BRAP: variants seen among roughly 807,000 people sequenced by gnomAD.
BRAP encodes BRCA1-associated protein.
Under a neutral mutation model 73.4 loss-of-function variants are expected in BRAP, and 42 were observed. That is an observed-to-expected ratio of 0.57 (90% CI 0.45 to 0.74). BRAP has a LOEUF of 0.74. Among genes scored for constraint, BRAP ranks in the 30% least tolerant of loss-of-function variants. The pLI is 0.00. For synonymous variants in BRAP, 255 were observed against 267.4 expected (o/e 0.95, Z 0.45); for missense variants, 593 against 751.4 (o/e 0.79, Z 2.46).
intron 11 of BRAP, among the ~76,000 whole-genome samples, chr12:111,648,321 A>C (rs981740761): frequency 1.4e-5 from 2 of 138,868 alleles, no homozygotes; most frequent in African/African-American, 5.5e-5. Flanking sequence ...CTCTCTCTAA[A>C]AATAAAGATG....
chr12:111,682,497 CAAAAAAAAAAA>C (rs11366915), intron 2 of BRAP, among the ~76,000 whole-genome samples: 1 of 77,906 alleles, frequency 1.3e-5, no homozygotes, highest in Non-Finnish European at 2.4e-5. Context: ...GAGACTGTCT[CAAAAAAAAAAA>C]AAAAAAAAAA....
intron 5 of BRAP, chr12:111,670,076 A>G (rs1887109355): frequency 4.8e-6 from 3 of 628,606 alleles, no homozygotes; most frequent in Non-Finnish European, 9.2e-6. Flanking sequence ...AAGTGCTTGG[A>G]GCAAGAGTTG....
Position 111,650,058 on chromosome 12 carries a change from G to T in BRAP, c.1312-16C>A, listed in dbSNP as rs1179213692. ...TGTTGTTAATCTGAAAGAGCAAAGAGAAATCAGATTCATTTCACAAAGGTA... is the reference window on the plus strand; with the variant it reads ...TGTTGTTAATCTGAAAGAGCAAAGATAAATCAGATTCATTTCACAAAGGTA... On this transcript the variant is annotated splice_polypyrimidine_tract_variant and intron_variant, in intron 10 of 11. Coordinates refer to ENST00000419234, the MANE Select transcript of BRAP (RefSeq NM_006768.5). 1.1e-5 allele frequency: 17 copies of T among 1,518,070 alleles called. No individual in the cohort carries two copies. The South Asian group carries it at 1.8e-4, about 16-fold the overall frequency. The allele number at this position is 1,518,070 out of a possible 1,614,324, so 94.0% of individuals were successfully genotyped here. A position where few individuals can be genotyped will look rare whatever the true frequency, so the allele number is the denominator to read the frequency against.
chr12:111,685,684 G>A (rs754439116), intron 1 of BRAP, 27 bp downstream of exon 1: 1 of 1,594,086 alleles, frequency 6.3e-7, no homozygotes, highest in Non-Finnish European at 8.5e-7. Context: ...CCGGCTACAG[G>A]GAATGCGGCG....
At chr12:111,681,916 C>G in intron 2 of BRAP, 81 bp from the exon 3 acceptor site, 1 of 1,324,694 alleles carries the variant, frequency 7.5e-7, no homozygotes, top group South Asian at 1.5e-5. Flanking sequence ...AATTTCAAGT[C>G]AGAGGAATAA....
intron 10 of BRAP, among the ~76,000 whole-genome samples, chr12:111,652,264 C>T (rs1238451309): frequency 1.3e-5 from 2 of 152,184 alleles, no homozygotes; most frequent in Non-Finnish European, 2.9e-5. Flanking sequence ...CACTCTGTCG[C>T]CCAGGCTGGA....
chr12:111,648,788 A>C lies in BRAP; in HGVS notation c.1415+1151T>G, dbSNP rs1886213139. On this transcript the variant is annotated intron_variant, in intron 11 of 11. Transcript: ENST00000419234. Reference sequence around the variant, plus strand: ...AAAAATACAAAAAAATTAGCTGGGCATGGTGGCAGGCACCTGTAGTCCCAG... The same window carrying C: ...AAAAATACAAAAAAATTAGCTGGGCCTGGTGGCAGGCACCTGTAGTCCCAG... Among the ~76,000 whole-genome samples, 3 of 151,042 alleles carry C rather than the reference A, an allele frequency of 2.0e-5. No homozygotes were observed. In the South Asian group the frequency reaches 6.3e-4, roughly 32 times the overall value.
intron 10 of BRAP, among the ~76,000 whole-genome samples, chr12:111,653,943 G>A (rs1016444489): frequency 1.3e-5 from 2 of 152,174 alleles, no homozygotes; most frequent in Non-Finnish European, 2.9e-5. Context: ...TCAGTGTTTC[G>A]TTTTCCTGCC....
At chr12:111,674,245 C>G (rs1431167507) in intron 4 of BRAP, among the ~76,000 whole-genome samples, 1 of 151,980 alleles carries the variant, frequency 6.6e-6, no homozygotes, top group East Asian at 1.9e-4. Flanking sequence ...ATGCTTCCCC[C>G]CCACCTTTTT....
At chr12:111,660,793 T>C in intron 6 of BRAP, 118 bp from the exon 7 acceptor site, 2 of 642,622 alleles carry the variant, frequency 3.1e-6, no homozygotes, top group Non-Finnish European at 5.1e-6. Context: ...ATTTTTATCA[T>C]AACTAAGGAT....
At chr12:111,674,268 TG>T (rs1344387002) in intron 4 of BRAP, among the ~76,000 whole-genome samples, 1 of 151,800 alleles carries the variant, frequency 6.6e-6, no homozygotes, top group Non-Finnish European at 1.5e-5. Context: ...TTTGAGATGG[TG>T]TCTCGCTTTG....
At position 111,665,903 on chromosome 12, in the gene BRAP, C is replaced by T. The variant is rs1886921689; in HGVS notation, c.748-116G>A. 9 of 1,380,732 alleles carry T rather than the reference C, an allele frequency of 6.5e-6. No homozygotes were observed. Among genetic ancestry groups the T allele is most frequent in the African/African-American group, 1.4e-5 (1 of 70,194 alleles). The allele number at this position is 1,380,732 out of a possible 1,614,324, so 85.5% of individuals were successfully genotyped here. On this transcript the variant is annotated intron_variant, in intron 5 of 11. Transcript: ENST00000419234. The surrounding 1 kb of genome is among the most constrained non-coding windows in gnomAD (Gnocchi z 4.3). ...TGTCACCCACGCTGGAGCCCAGTGG[C>T]GCAATCATGGCTCATTACAGCCTTG... is the stretch of plus-strand genomic sequence containing the variant.
rs112724065 is a variant in BRAP, at chr12:111,651,225, T to TTAATAATAATAA, written c.1312-1195_1312-1184dup. Among the ~76,000 whole-genome samples, 553 of 147,066 alleles carry TTAATAATAATAA rather than the reference T, an allele frequency of 3.8e-3. 4 individuals carry two copies. The East Asian group carries it at 0.046, about 12-fold the overall frequency. The stretch of plus-strand genomic sequence containing the variant: ...TAGCAAGTCTCTAATAGCACTAGCT[T>TTAATAATAATAA]TAATAATAATAATAATAATAATAAT... On this transcript the variant is annotated intron_variant, in intron 10 of 11. Coordinates refer to ENST00000419234, the MANE Select transcript of BRAP (RefSeq NM_006768.5).
At chr12:111,655,784 C>T (rs1036317481) in intron 9 of BRAP, 129 bp from the exon 10 acceptor site, 1 of 708,588 alleles carries the variant, frequency 1.4e-6, no homozygotes, top group South Asian at 1.7e-5. Context: ...TATTTACGCC[C>T]TGGTTCTACT....
chr12:111,658,864 A>G lies in BRAP; in HGVS notation c.1112-19T>C. 1.3e-6 allele frequency: 2 copies of G among 1,570,708 alleles called. No homozygotes were observed. The highest frequency in any genetic ancestry group is 1.7e-6 in the Non-Finnish European group (2 of 1,144,310). On this transcript the variant is annotated intron_variant, in intron 8 of 11. Coordinates refer to ENST00000419234, the MANE Select transcript of BRAP (RefSeq NM_006768.5). ...TAGTTATCTACAGAAAGAGTCAACA[A>G]AAGTGTGTTTCTTTAGAATGAAAAG...
intron 10 of BRAP, among the ~76,000 whole-genome samples, chr12:111,652,471 C>T (rs1236881902): frequency 1.3e-5 from 2 of 152,196 alleles, no homozygotes; most frequent in African/African-American, 4.8e-5. Flanking sequence ...GATCTGCCTG[C>T]CTCGGCCTCC....
At chr12:111,656,900 AT>A (rs77254021) in intron 9 of BRAP, among the ~76,000 whole-genome samples, 3 of 151,490 alleles carry the variant, frequency 2.0e-5, no homozygotes, top group African/African-American at 7.3e-5. Flanking sequence ...CACCTGGATA[AT>A]TTTTTTTAAA....
intron 6 of BRAP, among the ~76,000 whole-genome samples, chr12:111,661,713 GTT>G (rs746875251): frequency 2.8e-5 from 4 of 141,730 alleles, no homozygotes; most frequent in Non-Finnish European, 3.1e-5. Flanking sequence ...AAAAAAAAAG[GTT>G]TTTTTTTTTT....
At chr12:111,676,497 T>C (rs926737567) in intron 4 of BRAP, among the ~76,000 whole-genome samples, 17 of 152,138 alleles carry the variant, frequency 1.1e-4, no homozygotes, top group African/African-American at 3.1e-4. Context: ...CACTGCAACC[T>C]CCACATCCCA....
Sources: allele counts gnomAD v4.1 joint callset (sites outside exome capture counted in the v4.1 genomes callset), GRCh38; gene constraint gnomAD v4.1.1; non-coding constraint Gnocchi (gnomAD v3.1); transcripts MANE v1.5; gene names NCBI Gene and HGNC (gene_info 2026-07-23, HGNC 2026-07-21).